Variants in GDPD5 observed in about 807,000 individuals in gnomAD.
GDPD5 encodes the protein glycerophosphodiester phosphodiesterase 2.
In GDPD5, 48 loss-of-function variants were observed where a neutral mutation model predicts 75.1. The observed-to-expected ratio is 0.64, with a 90% CI of 0.51 to 0.81. The LOEUF (loss-of-function observed/expected upper bound fraction) is 0.81, where lower values mean the gene tolerates loss of function less well. Ranked by LOEUF, GDPD5 falls within the 40% of genes least tolerant of loss-of-function variation. The pLI is 0.00. For synonymous variants in GDPD5, 336 were observed against 339.0 expected (o/e 0.99, Z 0.10); for missense variants, 706 against 822.6 (o/e 0.86, Z 1.73).
At position 75,440,019 on chromosome 11, in the gene GDPD5, C is replaced by T. The variant is rs1214380523; in HGVS notation, c.1474-58G>A. The stretch of plus-strand genomic sequence containing the variant: ...TCATGGCCAGTCCAGACTGAGGCTC[C>T]AGACTGAGGGTCCGTGGACCAAAGG... On this transcript the variant is annotated intron_variant, in intron 14 of 16. Coordinates refer to ENST00000336898, the MANE Select transcript of GDPD5 (RefSeq NM_030792.8). 2.9e-6 allele frequency: 4 copies of T among 1,373,504 alleles called. No individual in the cohort carries two copies. The African/African-American group carries it at 5.8e-5, about 20-fold the overall frequency. The allele number at this position is 1,373,504 out of a possible 1,614,324, so 85.1% of individuals were successfully genotyped here.
rs1257227873 is a variant in GDPD5 at position 75,468,319 on chromosome 11, G to A, written c.118-5430C>T. ...GCCTGTCCCCTTGCCCTGAGGCAGCGAGCGTGTCTGCAGCCTCCAGGACAC... is the reference window on the plus strand; with the variant it reads ...GCCTGTCCCCTTGCCCTGAGGCAGCAAGCGTGTCTGCAGCCTCCAGGACAC... On this transcript the variant is annotated intron_variant, in intron 3 of 16. Coordinates refer to ENST00000336898, the MANE Select transcript of GDPD5 (RefSeq NM_030792.8). Among the ~76,000 whole-genome samples, 3 of 152,190 alleles carry A rather than the reference G, an allele frequency of 2.0e-5. No individual in the cohort carries two copies. The South Asian group carries it at 6.2e-4, about 32-fold the overall frequency.
intron 2 of GDPD5, among the ~76,000 whole-genome samples, chr11:75,489,606 A>G (rs1165307331): frequency 1.3e-5 from 2 of 152,210 alleles, no homozygotes; most frequent in African/African-American, 2.4e-5. Flanking sequence ...TCTCTTTTAA[A>G]ATATAAATCT....
intron 1 of GDPD5, among the ~76,000 whole-genome samples, chr11:75,512,770 C>A (rs540432489): frequency 1.3e-5 from 2 of 152,122 alleles, no homozygotes; most frequent in East Asian, 3.9e-4. Flanking sequence ...ACAAAATTAG[C>A]TGGGCGTGGT....
At position 75,441,232 on chromosome 11, in the gene GDPD5, C is replaced by T. The variant is rs777026465; in HGVS notation, c.1404G>A (p.Ala468=). 2.2e-5 allele frequency: 36 copies of T among 1,613,954 alleles called. No homozygotes were observed. In the East Asian group the frequency reaches 4.5e-4, roughly 20 times the overall value. ...APWLFSLLWC[A]GVPSVTSDNS... is the part of the protein sequence containing the mutation. ...TGTCAGAGGTGACGGATGGGACCCCCGCACACCACAGCAGGGAGAAGAGCC... is the reference window on the plus strand; with the variant it reads ...TGTCAGAGGTGACGGATGGGACCCCTGCACACCACAGCAGGGAGAAGAGCC... Residue 468 remains alanine (A), a synonymous_variant, in exon 14 of 17, where the codon GCG becomes GCA. Transcript: ENST00000336898.
chr11:75,520,498 G>A (rs965632292), intron 1 of GDPD5, among the ~76,000 whole-genome samples: 5 of 152,110 alleles, frequency 3.3e-5, no homozygotes, highest in Non-Finnish European at 5.9e-5. Context: ...ATTCGGTGGG[G>A]GCACATAGAA....
intron 6 of GDPD5, among the ~76,000 whole-genome samples, chr11:75,454,965 A>G (rs1949252670): frequency 6.6e-6 from 1 of 152,158 alleles, no homozygotes; most frequent in Non-Finnish European, 1.5e-5. Flanking sequence ...CTGCTGGAAC[A>G]CTCTGAGCTC....
intron 3 of GDPD5, among the ~76,000 whole-genome samples, chr11:75,475,459 C>T (rs1949758818): frequency 6.6e-6 from 1 of 152,222 alleles, no homozygotes; most frequent in Non-Finnish European, 1.5e-5. Context: ...CTGCACCAGC[C>T]CTGTCTTTGA....
chr11:75,486,370 G>A (rs778166113), intron 2 of GDPD5, among the ~76,000 whole-genome samples: 30 of 152,172 alleles, frequency 2.0e-4, no homozygotes, highest in South Asian at 8.3e-4. Context: ...GCACCTGGTC[G>A]TCCTGAGCAC....
At chr11:75,521,700 TC>T (rs1213723064) in intron 1 of GDPD5, among the ~76,000 whole-genome samples, 1 of 152,294 alleles carries the variant, frequency 6.6e-6, no homozygotes, top group East Asian at 1.9e-4. Context: ...GGTTGGGTAA[TC>T]CAGGAATGTT....
At chr11:75,461,282 C>T (rs1334890509) in intron 4 of GDPD5, among the ~76,000 whole-genome samples, 4 of 152,128 alleles carry the variant, frequency 2.6e-5, no homozygotes, top group Non-Finnish European at 2.9e-5. Flanking sequence ...CATGACAGTG[C>T]CCATGCTTTG....
At chr11:75,483,419 T>A (rs1949960682) in intron 2 of GDPD5, among the ~76,000 whole-genome samples, 1 of 152,138 alleles carries the variant, frequency 6.6e-6, no homozygotes, top group Non-Finnish European at 1.5e-5. Flanking sequence ...TCCTGTCTCA[T>A]CCTCACATCC....
chr11:75,435,429 G>A lies in GDPD5; in HGVS notation c.*78C>T. ...GGAGCCCGCTCCCAGAGCACTCCGA[G>A]TTCAGACACACTTCCACCAGCTCTC... On this transcript the variant is annotated 3_prime_UTR_variant, in exon 17 of 17. Coordinates refer to ENST00000336898, the MANE Select transcript of GDPD5 (RefSeq NM_030792.8). 2 of 1,380,382 alleles carry A rather than the reference G, an allele frequency of 1.4e-6. No homozygotes were observed. Among genetic ancestry groups the A allele is most frequent in the Non-Finnish European group, 9.7e-7 (1 of 1,028,580 alleles). 85.5% of individuals were successfully genotyped at this position (1,380,382 alleles called of 1,614,324 possible).
intron 2 of GDPD5, among the ~76,000 whole-genome samples, chr11:75,479,078 C>A (rs1565204689): frequency 6.6e-6 from 1 of 152,184 alleles, no homozygotes; most frequent in African/African-American, 2.4e-5. Context: ...CCCTGCTTGG[C>A]ACCCTGGAGA....
chr11:75,512,281 G>GACACAC (rs145862089), intron 1 of GDPD5, among the ~76,000 whole-genome samples: 4,792 of 123,108 alleles, frequency 0.039, 175 homozygotes, highest in East Asian at 0.05. Context: ...AATTGGGAAG[G>GACACAC]ACACACACAC....
chr11:75,441,378 G>T, intron 13 of GDPD5, 68 bp from the exon 14 acceptor site: 1 of 1,582,632 alleles, frequency 6.3e-7, no homozygotes, highest in Non-Finnish European at 8.7e-7. Context: ...GTCGGGGCTG[G>T]TAAAGCACGT....
chr11:75,494,010 C>T (rs1208591922), intron 1 of GDPD5, among the ~76,000 whole-genome samples: 2 of 151,888 alleles, frequency 1.3e-5, no homozygotes, highest in Non-Finnish European at 1.5e-5. Flanking sequence ...AATACTAGAA[C>T]TGTGAATAGT....
chr11:75,521,933 C>T (rs924511789), intron 1 of GDPD5, among the ~76,000 whole-genome samples: 3 of 152,144 alleles, frequency 2.0e-5, no homozygotes, highest in Non-Finnish European at 4.4e-5. Flanking sequence ...TGGTCTTCAT[C>T]TTACAGGCCG....
intron 1 of GDPD5, among the ~76,000 whole-genome samples, chr11:75,511,765 C>T (rs1950522875): frequency 6.6e-6 from 1 of 152,188 alleles, no homozygotes; most frequent in Non-Finnish European, 1.5e-5. Flanking sequence ...AACATGGCAT[C>T]AGACAGCCTC....
chr11:75,505,078 T>G (rs1474251721), intron 1 of GDPD5, among the ~76,000 whole-genome samples: 24 of 151,154 alleles, frequency 1.6e-4, no homozygotes, highest in Admixed American at 1.6e-3. Context: ...GCCGAGATCA[T>G]GCCATTGCAC....
Sources: gnomAD v4.1 joint callset for allele counts (sites outside exome capture counted in the v4.1 genomes callset) on GRCh38, gnomAD v4.1.1 for gene constraint, MANE v1.5 for transcripts, NCBI Gene and HGNC (gene_info 2026-07-23, HGNC 2026-07-21) for gene names.